The following MAGI2 variants were observed in gnomAD, a reference collection of about 807,000 sequenced individuals.
The protein encoded by MAGI2 is membrane associated guanylate kinase, WW and PDZ domain containing 2.
A neutral mutation model predicts 133.3 loss-of-function variants in MAGI2; 35 were observed. The observed-to-expected ratio is 0.26, with a 90% confidence interval of 0.20 to 0.35. MAGI2 has a LOEUF of 0.35. MAGI2 is among the 10% of genes least tolerant of loss of function. MAGI2 has a pLI of 1.00. For synonymous variants in MAGI2, 729 were observed against 710.6 expected, an observed-to-expected ratio of 1.03 and a Z score of -0.41; for missense variants, 1,636 against 1,863.4, an observed-to-expected ratio of 0.88 and a Z score of 2.25.
chr7:79,035,825 T>G (rs1323225147), intron 1 of MAGI2, among the ~76,000 whole-genome samples: 2 of 152,200 alleles, frequency 1.3e-5, no homozygotes, highest in African/African-American at 4.8e-5. Context: ...ATGAAGAAGA[T>G]TATAGAAACC....
At chr7:79,182,790 A>C (rs1826734954) in intron 1 of MAGI2, among the ~76,000 whole-genome samples, 2 of 152,004 alleles carry the variant, frequency 1.3e-5, no homozygotes, top group Non-Finnish European at 2.9e-5. Flanking sequence ...ATCAATTTAA[A>C]TGTCCATCAA....
In MAGI2 at chr7:78,369,220, A is replaced by G. The variant is rs1485391163; in HGVS notation, c.1046-7T>C. 6.3e-7 allele frequency: 1 copy of G among 1,586,014 alleles called. No homozygotes were observed. On this transcript the variant is annotated splice_region_variant and splice_polypyrimidine_tract_variant and intron_variant, in intron 6 of 21. Transcript: ENST00000354212. ...TCCCAGCCATATGGAAGCTCTGAAA[A>G]ATAAAGAGTTCTTTCAGTAAATAAA...
chr7:78,696,244 C>G (rs1467606736), intron 2 of MAGI2, among the ~76,000 whole-genome samples: 1 of 152,090 alleles, frequency 6.6e-6, no homozygotes, highest in Non-Finnish European at 1.5e-5. Flanking sequence ...AGCCTCATTT[C>G]TTTTTTGATA....
At chr7:79,295,050 T>A (rs1266224856) in intron 1 of MAGI2, among the ~76,000 whole-genome samples, 2 of 152,166 alleles carry the variant, frequency 1.3e-5, no homozygotes, top group East Asian at 3.8e-4. Flanking sequence ...ATTGTGGTAG[T>A]TCTTTTAGTG....
At chr7:78,059,560 C>T (rs1465917455) in intron 21 of MAGI2, among the ~76,000 whole-genome samples, 4 of 152,168 alleles carry the variant, frequency 2.6e-5, no homozygotes, top group Admixed American at 6.5e-5. Context: ...CTTTGCTCTC[C>T]TCTCTGCCCA....
intron 1 of MAGI2, chr7:79,353,273 G>T (rs1841806295): frequency 1.5e-5 from 5 of 322,740 alleles, no homozygotes; most frequent in Non-Finnish European, 3.1e-5. Context: ...CTCAGCCCTG[G>T]CAGGGTGGTT....
intron 10 of MAGI2, among the ~76,000 whole-genome samples, chr7:78,206,951 A>T (rs1404650471): frequency 6.6e-6 from 1 of 152,206 alleles, no homozygotes; most frequent in Non-Finnish European, 1.5e-5. Flanking sequence ...TAAGAAAAGG[A>T]GACAAAATAA....
At chr7:78,661,370 C>G (rs914253771) in intron 2 of MAGI2, among the ~76,000 whole-genome samples, 1 of 151,984 alleles carries the variant, frequency 6.6e-6, no homozygotes, top group African/African-American at 2.4e-5. Flanking sequence ...TTTTAACTGC[C>G]TATTAGATAG....
chr7:79,115,400 G>T (rs1355864148), intron 1 of MAGI2, among the ~76,000 whole-genome samples: 2 of 152,068 alleles, frequency 1.3e-5, no homozygotes, highest in Non-Finnish European at 2.9e-5. Context: ...TGAAATAGAA[G>T]GTGCTCTGTT....
At chr7:79,295,796 T>C (rs994763881) in intron 1 of MAGI2, among the ~76,000 whole-genome samples, 1 of 152,062 alleles carries the variant, frequency 6.6e-6, no homozygotes, top group African/African-American at 2.4e-5. Context: ...ATTTCGGTGA[T>C]AGTAAGATGC....
chr7:79,381,121 T>C (rs1487294438), intron 1 of MAGI2, among the ~76,000 whole-genome samples: 1 of 137,452 alleles, frequency 7.3e-6, no homozygotes, highest in Non-Finnish European at 1.5e-5. Flanking sequence ...AATGCCATAT[T>C]ACCATATCGG....
At chr7:78,977,111 G>T (rs969522191) in intron 2 of MAGI2, among the ~76,000 whole-genome samples, 2 of 151,540 alleles carry the variant, frequency 1.3e-5, no homozygotes, top group Non-Finnish European at 3.0e-5. Flanking sequence ...TATTTGGAAA[G>T]GCAAAAGACG....
At chr7:79,149,828 C>T (rs1362085578) in intron 1 of MAGI2, among the ~76,000 whole-genome samples, 2 of 151,822 alleles carry the variant, frequency 1.3e-5, no homozygotes, top group East Asian at 3.9e-4. Flanking sequence ...AGTAACTTAA[C>T]AAAAAAAGTA....
At chr7:78,564,268 A>G (rs1160092688) in intron 3 of MAGI2, among the ~76,000 whole-genome samples, 2 of 152,194 alleles carry the variant, frequency 1.3e-5, no homozygotes, top group Admixed American at 6.5e-5. Context: ...TTTTAGTATT[A>G]TAGGCATTAA....
intron 9 of MAGI2, among the ~76,000 whole-genome samples, chr7:78,294,930 T>C (rs1021592066): frequency 2.6e-4 from 39 of 152,108 alleles, no homozygotes; most frequent in African/African-American, 8.4e-4. Context: ...ATAACATTGC[T>C]GCATGATATG....
rs566003556 is a variant in MAGI2 at position 78,211,571 on chromosome 7, C to T, written c.2048-10378G>A. Among the ~76,000 whole-genome samples, 202 of 152,264 alleles carry T rather than the reference C, an allele frequency of 1.3e-3. 1 individual carries two copies. Among genetic ancestry groups the T allele is most frequent in the African/African-American group, 4.7e-3 (195 of 41,540 alleles). ...TGACTGTGATTGAGTCCCCTAACCTCTCAGAGGCTCAGATTCTTTTTTCTG... is the reference window on the plus strand; with the variant it reads ...TGACTGTGATTGAGTCCCCTAACCTTTCAGAGGCTCAGATTCTTTTTTCTG... On this transcript the variant is annotated intron_variant, in intron 10 of 21. Coordinates refer to ENST00000354212, the MANE Select transcript of MAGI2 (RefSeq NM_012301.4).
At chr7:79,410,241 GA>G (rs1236750151) in intron 1 of MAGI2, 1 of 152,194 alleles carries the variant, frequency 6.6e-6, no homozygotes, top group African/African-American at 2.4e-5. Flanking sequence ...AGTGAAAGCT[GA>G]AAATCTGGTA....
At chr7:79,017,152 C>A (rs551143208) in intron 1 of MAGI2, among the ~76,000 whole-genome samples, 30 of 152,324 alleles carry the variant, frequency 2.0e-4, no homozygotes, top group Admixed American at 4.6e-4. Context: ...GCTGCCACTG[C>A]CCTATGAAGT....
intron 5 of MAGI2, among the ~76,000 whole-genome samples, chr7:78,497,738 A>ATCTGTCTGTCTGTCTGTCTGTCTGTCTG (rs1297478814): frequency 0.016 from 1,812 of 112,842 alleles, 31 homozygotes; most frequent in South Asian, 0.072. Flanking sequence ...CTATCTATCT[A>ATCTGTCTGTCTGTCTGTCTGTCTGTCTG]TCTATCTATC....
Sources: allele counts gnomAD v4.1 joint callset (sites outside exome capture counted in the v4.1 genomes callset), GRCh38; gene constraint gnomAD v4.1.1; transcripts MANE v1.5; gene names NCBI Gene and HGNC (gene_info 2026-07-23, HGNC 2026-07-21).